Variants in KDM2B observed in about 807,000 individuals in gnomAD.
KDM2B encodes lysine demethylase 2B.
In KDM2B, 26 loss-of-function variants were observed where a neutral mutation model predicts 150.0. The observed-to-expected ratio is 0.17, with a 90% CI of 0.13 to 0.24. KDM2B has a LOEUF of 0.24. Ranked by LOEUF, KDM2B falls within the 10% of genes least tolerant of loss-of-function variation. KDM2B has a pLI of 1.00. For synonymous variants in KDM2B, 734 were observed against 729.5 expected (o/e 1.01, Z -0.10); for missense variants, 1,265 against 1,816.9 (o/e 0.70, Z 5.52).
At chr12:121,435,442 T>C (rs1469738149) in intron 22 of KDM2B, among the ~76,000 whole-genome samples, 1 of 152,228 alleles carries the variant, frequency 6.6e-6, no homozygotes, top group African/African-American at 2.4e-5. Flanking sequence ...AGGTGTTTAG[T>C]TGTGATTTCT....
At chr12:121,567,333 G>A (rs1890775101) in intron 4 of KDM2B, among the ~76,000 whole-genome samples, 1 of 152,244 alleles carries the variant, frequency 6.6e-6, no homozygotes. Flanking sequence ...CATATTTGGA[G>A]ATAGGGTCTT....
chr12:121,493,504 T>C (rs1438573962), intron 12 of KDM2B, among the ~76,000 whole-genome samples: 1 of 152,142 alleles, frequency 6.6e-6, no homozygotes, highest in African/African-American at 2.4e-5. Flanking sequence ...ACCTGATACA[T>C]ATGTATCCCA....
the KDM2B span, chr12:121,416,042 T>C: frequency 4.7e-5 from 35 of 746,606 alleles, no homozygotes; most frequent in East Asian, 7.1e-4. Context: ...CAGAGGAATA[T>C]AGTAATCTCA....
chr12:121,507,732 C>T (rs1885217804), intron 11 of KDM2B, among the ~76,000 whole-genome samples: 1 of 152,162 alleles, frequency 6.6e-6, no homozygotes, highest in Admixed American at 6.6e-5. Context: ...TAGGCTAGGC[C>T]AGGCACAGTG....
intron 6 of KDM2B, among the ~76,000 whole-genome samples, chr12:121,540,859 G>A (rs1594086311): frequency 6.6e-6 from 1 of 151,842 alleles, no homozygotes; most frequent in South Asian, 2.1e-4. Flanking sequence ...TCCACTGTGG[G>A]CTCTGTCTCC....
At position 121,533,050 on chromosome 12, in the gene KDM2B, G is replaced by A; in HGVS notation, c.778-91C>T. ...CACCTGCCTGGCGGAAGGGGAGGGG[G>A]CGAGACAAGCTGTGTGTGGGGTGGG... is the stretch of plus-strand genomic sequence containing the variant. On this transcript the variant is annotated intron_variant, in intron 7 of 22. Transcript: ENST00000377071. This position sits in a 1 kb window ranked among gnomAD's most constrained non-coding sequence, Gnocchi z 4.1. 1 of 1,332,680 alleles carries A rather than the reference G, an allele frequency of 7.5e-7. No individual in the cohort carries two copies. The highest frequency in any genetic ancestry group is 1.3e-5 in the South Asian group (1 of 77,272). 82.6% of individuals were successfully genotyped at this position (1,332,680 alleles called of 1,614,324 possible).
At chr12:121,523,037 T>C (rs894488676) in intron 8 of KDM2B, among the ~76,000 whole-genome samples, 8 of 152,194 alleles carry the variant, frequency 5.3e-5, no homozygotes, top group African/African-American at 1.9e-4. Context: ...TGTGTGTGGC[T>C]CCTGGCTGCC....
intron 8 of KDM2B, among the ~76,000 whole-genome samples, chr12:121,522,916 A>G (rs2141241249): frequency 6.6e-6 from 1 of 152,362 alleles, no homozygotes; most frequent in African/African-American, 2.4e-5. Flanking sequence ...GAGCCCGGGA[A>G]GTCGGGCTCT....
In KDM2B at chr12:121,442,778, C is replaced by G. The variant is rs1457528126; in HGVS notation, c.2663G>C (p.Arg888Pro). 2 of 1,542,408 alleles carry G rather than the reference C, an allele frequency of 1.3e-6. No homozygotes were observed. Among genetic ancestry groups the G allele is most frequent in the Admixed American group, 2.1e-5 (1 of 46,754 alleles). Residue 888 changes from arginine (R) to proline (P), a missense_variant, in exon 19 of 23, where the codon CGC (arginine) becomes CCC (proline). Around this residue, in one of 11 missense-constraint regions of KDM2B, gnomAD observed 418 missense variants for 402.4 expected, o/e 1.04. Transcript: ENST00000377071. The surrounding 1 kb of genome is among the most constrained non-coding windows in gnomAD (Gnocchi z 7.7). ...TTCGTCCTCGGGTTCCTGCTTGAAG[C>G]GCCGGAGGGGCTTGTTGGCCAGCGC... ...RMALANKPLR[R>P]FKQEPEDELP...
intron 11 of KDM2B, among the ~76,000 whole-genome samples, chr12:121,495,405 C>T (rs1430286635): frequency 1.3e-5 from 2 of 152,216 alleles, no homozygotes; most frequent in African/African-American, 4.8e-5. Flanking sequence ...AAGTGACCCA[C>T]CTGCCTTGGC....
At chr12:121,542,670 G>A (rs782207700) in intron 6 of KDM2B, among the ~76,000 whole-genome samples, 1 of 152,198 alleles carries the variant, frequency 6.6e-6, no homozygotes, top group African/African-American at 2.4e-5. Context: ...AATTTTCTAA[G>A]ACAAATGGTT....
chr12:121,502,050 C>A, intron 11 of KDM2B, among the ~76,000 whole-genome samples: 1 of 152,256 alleles, frequency 6.6e-6, no homozygotes, highest in African/African-American at 2.4e-5. Flanking sequence ...CGGGAACTGA[C>A]GACCTCAAGA....
At position 121,430,635 on chromosome 12, in the gene KDM2B, C is replaced by CAA. The variant is rs1872844047; in HGVS notation, c.3830-168_3830-167dup. The CAA allele has an allele frequency of 1.6e-6, 1 of 610,054 alleles. No homozygotes were observed. The highest frequency in any genetic ancestry group is 1.8e-5 in the African/African-American group (1 of 54,256). The allele number at this position is 610,054 out of a possible 1,614,324, so 37.8% of individuals were successfully genotyped here. Reference sequence around the variant, plus strand: ...TTATTTGCTTAAAATCTCTCTTCTTCAAACGGGGAAGGGTCTCACCCGCCA... The same window carrying CAA: ...TTATTTGCTTAAAATCTCTCTTCTTCAAAAACGGGGAAGGGTCTCACCCGCCA... On this transcript the variant is annotated intron_variant, in intron 22 of 22. Transcript: ENST00000377071. The surrounding 1 kb of genome is among the most constrained non-coding windows in gnomAD (Gnocchi z 4.4).
At chr12:121,577,750 A>G (rs1891602081) in intron 2 of KDM2B, among the ~76,000 whole-genome samples, 1 of 152,164 alleles carries the variant, frequency 6.6e-6, no homozygotes, top group Non-Finnish European at 1.5e-5. Context: ...TCTGAAAGGG[A>G]AAAGGAGTGA....
chr12:121,444,834 G>C (rs932056555), intron 14 of KDM2B: 29 of 500,330 alleles, frequency 5.8e-5, no homozygotes, highest in African/African-American at 1.9e-5. Context: ...TCTCACTGGG[G>C]GGGTATGACC....
At chr12:121,461,149 G>A (rs1433134515) in intron 12 of KDM2B, among the ~76,000 whole-genome samples, 1 of 152,168 alleles carries the variant, frequency 6.6e-6, no homozygotes, top group Non-Finnish European at 1.5e-5. Context: ...GGGTCTTAGA[G>A]GGAGAACAGG....
At chr12:121,416,074 C>T in the KDM2B span, 1 of 1,085,440 alleles carries the variant, frequency 9.2e-7, no homozygotes, top group Non-Finnish European at 1.4e-6. Flanking sequence ...GGCAAACTTA[C>T]CTCTCCAGAA....
At chr12:121,445,186 C>A in intron 14 of KDM2B, 89 bp downstream of exon 14, 1 of 1,466,478 alleles carries the variant, frequency 6.8e-7, no homozygotes, top group Non-Finnish European at 9.3e-7. Context: ...ATTCACTGCA[C>A]GACCTGCATC....
Position 121,574,727 on chromosome 12 carries a change from C to T in KDM2B, c.351-134G>A, listed in dbSNP as rs550850340. On this transcript the variant is annotated intron_variant, in intron 3 of 22. Transcript: ENST00000377071. ...GTTTGGGAACTCAAAATGAGAACATCCAGAGGGAGAGAAGTAGACCAGTTG... is the reference window on the plus strand; with the variant it reads ...GTTTGGGAACTCAAAATGAGAACATTCAGAGGGAGAGAAGTAGACCAGTTG... 44 of 752,556 alleles carry T rather than the reference C, an allele frequency of 5.8e-5. 1 individual carries two copies. In the African/African-American group the frequency reaches 6.7e-4, roughly 11 times the overall value. 46.6% of individuals were successfully genotyped at this position (752,556 alleles called of 1,614,324 possible).
Sources: allele counts gnomAD v4.1 joint callset (sites outside exome capture counted in the v4.1 genomes callset), GRCh38; gene constraint gnomAD v4.1.1; regional missense constraint gnomAD v4.1.1; non-coding constraint Gnocchi (gnomAD v3.1); transcripts MANE v1.5; gene names NCBI Gene and HGNC (gene_info 2026-07-23, HGNC 2026-07-21).